The following CUL1 variants were observed in gnomAD, a reference collection of about 807,000 sequenced individuals.
CUL1 encodes the protein cullin 1, also known as cullin-1.
A neutral mutation model predicts 118.0 loss-of-function variants in CUL1; 24 were observed. That is an observed-to-expected ratio of 0.20 (90% confidence interval 0.15 to 0.29). CUL1 has a LOEUF of 0.29. Ranked by LOEUF, CUL1 falls within the 10% of genes least tolerant of loss-of-function variation. The pLI, the probability that CUL1 is intolerant of heterozygous loss-of-function variation, is 1.00. For synonymous variants in CUL1, 332 were observed against 340.4 expected (o/e 0.98, Z 0.27); for missense variants, 361 against 933.8 (o/e 0.39, Z 7.99).
intron 9 of CUL1, among the ~76,000 whole-genome samples, chr7:148,775,231 A>G (rs1384547679): frequency 6.6e-6 from 1 of 152,220 alleles, no homozygotes; most frequent in Non-Finnish European, 1.5e-5. Context: ...CTGAGTCTTG[A>G]TGCAAACATT....
intron 1 of CUL1, among the ~76,000 whole-genome samples, chr7:148,711,468 G>A (rs2129459041): frequency 6.6e-6 from 1 of 152,294 alleles, no homozygotes; most frequent in South Asian, 2.1e-4. Context: ...GCTTAACTGT[G>A]CCCAGTTCCT....
intron 17 of CUL1, among the ~76,000 whole-genome samples, chr7:148,795,677 A>G (rs939746220): frequency 6.6e-6 from 1 of 150,910 alleles, no homozygotes; most frequent in Admixed American, 6.6e-5. Flanking sequence ...GGCTGAGGCG[A>G]GAGAATGGTG....
intron 17 of CUL1, among the ~76,000 whole-genome samples, chr7:148,795,622 T>A (rs112032927): frequency 0.084 from 12,736 of 151,774 alleles, 668 homozygotes; most frequent in African/African-American, 0.14. Context: ...AAAACAAAAT[T>A]AGCCGGGCGT....
At chr7:148,784,360 G>C (rs977365357) in intron 11 of CUL1, among the ~76,000 whole-genome samples, 1 of 152,156 alleles carries the variant, frequency 6.6e-6, no homozygotes, top group African/African-American at 2.4e-5. Context: ...AGACAAGATC[G>C]GGCACGTTCA....
chr7:148,746,734 T>C (rs188082022), intron 2 of CUL1, among the ~76,000 whole-genome samples: 2 of 152,380 alleles, frequency 1.3e-5, no homozygotes, highest in Admixed American at 1.3e-4. Context: ...GGTGATTCTT[T>C]AGTAAGTAAA....
At chr7:148,769,690 T>G (rs1048322800) in intron 9 of CUL1, among the ~76,000 whole-genome samples, 1 of 152,202 alleles carries the variant, frequency 6.6e-6, no homozygotes, top group Admixed American at 6.5e-5. Flanking sequence ...AGGTATGAGA[T>G]TGGCCTTAGG....
Position 148,800,224 on chromosome 7 carries a change from T to C in CUL1, c.2251-278T>C, listed in dbSNP as rs917243209. On this transcript the variant is annotated intron_variant, in intron 21 of 21. Transcript: ENST00000325222. The surrounding 1 kb of genome is among the most constrained non-coding windows in gnomAD (Gnocchi z 4.6). The stretch of plus-strand genomic sequence containing the variant: ...AGATTTTGGTGGTAGAAAGGGAGAC[T>C]GGCCCACGGGGCTCCCGAAGCACCT... 1.3e-5 allele frequency among the ~76,000 whole-genome samples: 2 copies of C among 152,198 alleles called. No homozygotes were observed. Among genetic ancestry groups the C allele is most frequent in the Non-Finnish European group, 2.9e-5 (2 of 68,028 alleles).
At chr7:148,780,211 A>C (rs118043409) in intron 9 of CUL1, among the ~76,000 whole-genome samples, 1 of 152,204 alleles carries the variant, frequency 6.6e-6, no homozygotes, top group African/African-American at 2.4e-5. Context: ...GTCGTGGTTC[A>C]GATAGTGATA....
chr7:148,713,739 T>C (rs925333385), intron 1 of CUL1, among the ~76,000 whole-genome samples: 1 of 152,098 alleles, frequency 6.6e-6, no homozygotes, highest in African/African-American at 2.4e-5. Context: ...ATATATATTT[T>C]TTGAGATGGA....
At chr7:148,765,031 G>A (rs942891638) in intron 7 of CUL1, among the ~76,000 whole-genome samples, 2 of 152,086 alleles carry the variant, frequency 1.3e-5, no homozygotes, top group African/African-American at 4.8e-5. Flanking sequence ...TTTATGAGTT[G>A]TCTTTTCTTC....
In CUL1 at chr7:148,766,469, A is replaced by G. The variant is rs1800011185; in HGVS notation, c.790-92A>G. On this transcript the variant is annotated intron_variant, in intron 7 of 21. Coordinates refer to ENST00000325222, the MANE Select transcript of CUL1 (RefSeq NM_003592.3). ...AGCTGGCATGTGAATTTAATTTGCC[A>G]TTTTTCAGTTTCCTTTAATTTACAT... The G allele has an allele frequency of 7.1e-6, 8 of 1,134,582 alleles. 1 individual carries two copies. The East Asian group carries it at 1.6e-4, about 23-fold the overall frequency. 70.3% of individuals were successfully genotyped at this position (1,134,582 alleles called of 1,614,324 possible).
chr7:148,719,609 TTTAG>T (rs1331103764), intron 1 of CUL1, among the ~76,000 whole-genome samples: 7 of 152,214 alleles, frequency 4.6e-5, no homozygotes, highest in South Asian at 2.1e-4. Context: ...TCCTGGCATC[TTTAG>T]TTAAAGAATT....
intron 1 of CUL1, among the ~76,000 whole-genome samples, chr7:148,709,251 G>T (rs1243441237): frequency 6.6e-6 from 1 of 152,164 alleles, no homozygotes; most frequent in African/African-American, 2.4e-5. Context: ...GCGTATATGC[G>T]CATACATACT....
intron 1 of CUL1, among the ~76,000 whole-genome samples, chr7:148,714,066 A>G (rs900278596): frequency 6.6e-6 from 1 of 152,242 alleles, no homozygotes; most frequent in Admixed American, 6.5e-5. Context: ...ATTGATCACA[A>G]CGAGAAGCCT....
At chr7:148,700,903 T>G (rs887606505) in intron 1 of CUL1, among the ~76,000 whole-genome samples, 5 of 152,170 alleles carry the variant, frequency 3.3e-5, no homozygotes, top group Non-Finnish European at 7.3e-5. Context: ...ACTCCTAATG[T>G]GTGTACCACA....
chr7:148,751,872 T>G (rs1401165336), intron 2 of CUL1, among the ~76,000 whole-genome samples: 1 of 152,202 alleles, frequency 6.6e-6, no homozygotes, highest in Non-Finnish European at 1.5e-5. Flanking sequence ...CCCAGCAGTT[T>G]GGGAGGCCGA....
At chr7:148,782,880 C>T (rs895192326) in intron 9 of CUL1, among the ~76,000 whole-genome samples, 5 of 152,132 alleles carry the variant, frequency 3.3e-5, no homozygotes, top group Admixed American at 2.0e-4. Flanking sequence ...TGGGGGTGAC[C>T]CGGAGCTCCC....
chr7:148,781,101 T>TTTTTTTTAAA (rs1800614942), intron 9 of CUL1, among the ~76,000 whole-genome samples: 1 of 147,796 alleles, frequency 6.8e-6, no homozygotes. Flanking sequence ...TTTTTTTTTT[T>TTTTTTTTAAA]GACAGAGTCT....
chr7:148,714,221 T>C (rs1311400930), intron 1 of CUL1, among the ~76,000 whole-genome samples: 2 of 152,234 alleles, frequency 1.3e-5, no homozygotes, highest in Admixed American at 1.3e-4. Context: ...AACCTGATGA[T>C]TTGATATATG....
Sources: allele counts gnomAD v4.1 joint callset (sites outside exome capture counted in the v4.1 genomes callset), GRCh38; gene constraint gnomAD v4.1.1; non-coding constraint Gnocchi (gnomAD v3.1); transcripts MANE v1.5; gene names NCBI Gene and HGNC (gene_info 2026-07-23, HGNC 2026-07-21).